The following PLA2G4E variants were observed in gnomAD, a reference collection of about 807,000 sequenced individuals.
PLA2G4E encodes cytosolic phospholipase A2 epsilon.
In PLA2G4E, 84 loss-of-function variants were observed where a neutral mutation model predicts 109.1. The ratio of observed to expected loss-of-function variants is 0.77; its 90% CI spans 0.65 to 0.92. The LOEUF (loss-of-function observed/expected upper bound fraction) is 0.92. Ranked by LOEUF, PLA2G4E falls within the 40% of genes least tolerant of loss-of-function variation. PLA2G4E has a pLI of 0.00. For missense variants in PLA2G4E, 1,057 were observed against 1,076.6 expected (o/e 0.98, Z 0.25); for synonymous variants, 469 against 436.1 (o/e 1.08, Z -0.94).
At chr15:42,022,239 G>A (rs1019369491) in intron 1 of PLA2G4E, among the ~76,000 whole-genome samples, 1 of 152,176 alleles carries the variant, frequency 6.6e-6, no homozygotes, top group South Asian at 2.1e-4. Context: ...GTGAGAGGGG[G>A]CATCTTAGAA....
chr15:42,021,512 A>T (rs2068648406), intron 1 of PLA2G4E, among the ~76,000 whole-genome samples: 1 of 151,664 alleles, frequency 6.6e-6, no homozygotes, highest in Admixed American at 6.6e-5. Context: ...CCCTGGCCAC[A>T]ACTCCCAAAG....
chr15:42,006,058 C>T, exon 4 of PLA2G4E: 1 of 1,613,958 alleles, frequency 6.2e-7, no homozygotes, highest in South Asian at 1.1e-5. Context: ...TCATAGAGAA[C>T]TGTCAGGAGA....
At chr15:42,032,376 C>G (rs757710073) in intron 1 of PLA2G4E, among the ~76,000 whole-genome samples, 4 of 152,226 alleles carry the variant, frequency 2.6e-5, no homozygotes, top group Non-Finnish European at 5.9e-5. Context: ...TCAAGGGTCC[C>G]TGCCCACCAC....
At chr15:42,037,218 G>A (rs111516317) in intron 1 of PLA2G4E, among the ~76,000 whole-genome samples, 15,770 of 152,282 alleles carry the variant, frequency 0.1, 1,104 homozygotes, top group Middle Eastern at 0.15. Flanking sequence ...GGTCCCTGGT[G>A]AGGCCCCACC....
At chr15:41,981,680 C>T (rs946345665) in exon 20 of PLA2G4E, 5 of 152,234 alleles carry the variant, frequency 3.3e-5, no homozygotes, top group Non-Finnish European at 4.4e-5. Flanking sequence ...TGGCTGCCTT[C>T]GCCTTACGAT....
intron 19 of PLA2G4E, 40 bp downstream of exon 19, chr15:41,984,396 G>C: frequency 1.3e-6 from 2 of 1,569,080 alleles, no homozygotes; most frequent in Non-Finnish European, 8.7e-7. Flanking sequence ...CCCGGGCCAA[G>C]GGCAGCAGGT....
intron 1 of PLA2G4E, among the ~76,000 whole-genome samples, chr15:42,030,474 C>T (rs1017926846): frequency 3.3e-5 from 5 of 152,220 alleles, no homozygotes; most frequent in Admixed American, 2.0e-4. Flanking sequence ...GCACACTTTG[C>T]ATCAGGCTCT....
At chr15:41,983,611 C>G (rs1287130816) in exon 20 of PLA2G4E, 2 of 717,246 alleles carry the variant, frequency 2.8e-6, no homozygotes, top group Admixed American at 5.9e-5. Flanking sequence ...AAATTTTTTA[C>G]TTTTCGTTAG....
intron 5 of PLA2G4E, among the ~76,000 whole-genome samples, chr15:42,004,366 G>A (rs968585093): frequency 6.8e-6 from 1 of 147,012 alleles, no homozygotes; most frequent in Non-Finnish European, 1.5e-5. Flanking sequence ...GAGAGAGGGA[G>A]AAAGGGAGAA....
intron 15 of PLA2G4E, 107 bp from the exon 16 acceptor site, chr15:41,988,263 G>A: frequency 1.3e-6 from 1 of 745,914 alleles, no homozygotes; most frequent in South Asian, 1.7e-5. Context: ...AAGCCAGGCT[G>A]CTCCACAGGC....
intron 13 of PLA2G4E, 146 bp downstream of exon 13, chr15:41,992,591 A>T: frequency 1.3e-6 from 1 of 757,132 alleles, no homozygotes; most frequent in Non-Finnish European, 2.1e-6. Context: ...AGAGTCCGAC[A>T]CCTTATCGGT....
In PLA2G4E at chr15:42,000,040, C is replaced by T. The variant is rs1310780940; in HGVS notation, c.853-40G>A. On this transcript the variant is annotated intron_variant, in intron 8 of 19. Transcript: ENST00000399518. Reference sequence around the variant, plus strand: ...GGGTTCTGTGAGAGGGGCTGGGGAGCTCCTCTGGCACCCCCCACCTGTCCC... The same window carrying T: ...GGGTTCTGTGAGAGGGGCTGGGGAGTTCCTCTGGCACCCCCCACCTGTCCC... 3 of 1,581,636 alleles carry T rather than the reference C, an allele frequency of 1.9e-6. No homozygotes were observed. In the East Asian group the frequency reaches 7.0e-5, roughly 37 times the overall value.
chr15:41,998,890 T>C (rs372072948), intron 10 of PLA2G4E: 104 of 152,274 alleles, frequency 6.8e-4, no homozygotes, highest in African/African-American at 2.4e-3. Flanking sequence ...CCGTCTCTAC[T>C]GAAAATACAA....
intron 1 of PLA2G4E, among the ~76,000 whole-genome samples, chr15:42,027,303 G>A (rs549563420): frequency 9.2e-5 from 14 of 152,286 alleles, no homozygotes; most frequent in African/African-American, 3.1e-4. Flanking sequence ...CTTTCTGCTG[G>A]GAGGGGATGG....
chr15:42,019,184 A>T (rs2068624597), intron 1 of PLA2G4E, among the ~76,000 whole-genome samples: 1 of 152,242 alleles, frequency 6.6e-6, no homozygotes, highest in South Asian at 2.1e-4. Context: ...GTACAGCACC[A>T]GCTAGCAGCT....
At chr15:42,002,446 T>C (rs2141044437) in intron 6 of PLA2G4E, among the ~76,000 whole-genome samples, 1 of 152,146 alleles carries the variant, frequency 6.6e-6, no homozygotes, top group Admixed American at 6.5e-5. Context: ...ATGTCCCAGC[T>C]ACCTCCTCCC....
intron 11 of PLA2G4E, among the ~76,000 whole-genome samples, chr15:41,996,580 T>C (rs1315629343): frequency 6.6e-6 from 1 of 152,100 alleles, no homozygotes; most frequent in Non-Finnish European, 1.5e-5. Flanking sequence ...TGGGCCTTGG[T>C]CCACACAAGG....
intron 1 of PLA2G4E, among the ~76,000 whole-genome samples, chr15:42,034,363 T>A (rs1057085980): frequency 2.0e-5 from 3 of 152,216 alleles, no homozygotes; most frequent in African/African-American, 7.2e-5. Context: ...ATGAAGAAAA[T>A]CTGTATGTGC....
rs903865063 is a variant in PLA2G4E, at chr15:42,041,008, G to T, written c.183+9513C>A. On this transcript the variant is annotated intron_variant, in intron 1 of 19. Transcript: ENST00000399518. ...ATGCCACGTTTCATTTATCAGATTG[G>T]CAAGGATAAAAAATTGATAAGACGT... Among the ~76,000 whole-genome samples the T allele has an allele frequency of 2.6e-5, 4 of 152,124 alleles. No homozygotes were observed. The South Asian group carries it at 8.3e-4, about 32-fold the overall frequency.
Sources: allele counts gnomAD v4.1 joint callset (sites outside exome capture counted in the v4.1 genomes callset), GRCh38; gene constraint gnomAD v4.1.1; transcripts MANE v1.5; gene names NCBI Gene and HGNC (gene_info 2026-07-23, HGNC 2026-07-21).